The following PCDHGB2 variants were observed in gnomAD, a reference collection of about 807,000 sequenced individuals.
The protein encoded by PCDHGB2 is protocadherin gamma subfamily B, 2.
A neutral mutation model predicts 59.3 loss-of-function variants in PCDHGB2; 55 were observed. That is an observed-to-expected ratio of 0.93 (90% CI 0.75 to 1.16). The LOEUF (loss-of-function observed/expected upper bound fraction) is 1.16, where lower values mean the gene tolerates loss of function less well. Among genes scored for constraint, PCDHGB2 ranks in the 50% most tolerant of loss-of-function variants. The pLI is 0.00. For synonymous variants in PCDHGB2, 516 were observed against 512.0 expected (o/e 1.01, Z -0.11); for missense variants, 1,228 against 1,198.5 (o/e 1.02, Z -0.36).
chr5:141,389,070 T>C, intron 1 of PCDHGB2: 1 of 1,613,964 alleles, frequency 6.2e-7, no homozygotes, highest in South Asian at 1.1e-5. Flanking sequence ...ATTAACTTCT[T>C]CAAGAAACAC....
At chr5:141,497,092 G>C (rs2099773958) in intron 2 of PCDHGB2, among the ~76,000 whole-genome samples, 1 of 152,092 alleles carries the variant, frequency 6.6e-6, no homozygotes, top group Admixed American at 6.5e-5. Flanking sequence ...AGGAGGCTGA[G>C]GCAGAACTGC....
chr5:141,430,328 T>C (rs961978065), intron 1 of PCDHGB2, among the ~76,000 whole-genome samples: 1 of 152,036 alleles, frequency 6.6e-6, no homozygotes, highest in Non-Finnish European at 1.5e-5. Flanking sequence ...AAATCATTGT[T>C]TATAGAAACT....
At chr5:141,429,196 A>ACACACT in intron 1 of PCDHGB2, 1 of 151,994 alleles carries the variant, frequency 6.6e-6, no homozygotes, top group Non-Finnish European at 1.5e-5. Context: ...ACACACACAC[A>ACACACT]CACACACACG....
chr5:141,399,525 C>T (rs1170362164), intron 1 of PCDHGB2: 1 of 1,614,058 alleles, frequency 6.2e-7, no homozygotes, highest in East Asian at 2.2e-5. Flanking sequence ...CTGGGGCCTC[C>T]ATCGCGCAAG....
chr5:141,449,756 T>C (rs2098654563), intron 1 of PCDHGB2, among the ~76,000 whole-genome samples: 1 of 151,728 alleles, frequency 6.6e-6, no homozygotes, highest in South Asian at 2.1e-4. Flanking sequence ...TTTATGACAT[T>C]TGAGAGTAAG....
At chr5:141,422,950 G>A (rs1388735971) in intron 1 of PCDHGB2, 2 of 1,614,230 alleles carry the variant, frequency 1.2e-6, no homozygotes, top group South Asian at 1.1e-5. Flanking sequence ...CGGCTCCACT[G>A]GCGTGGAGCT....
At chr5:141,381,657 C>T (rs1224064730) in intron 1 of PCDHGB2, among the ~76,000 whole-genome samples, 5 of 152,134 alleles carry the variant, frequency 3.3e-5, no homozygotes, top group East Asian at 1.9e-4. Context: ...AAATGGGTTG[C>T]TTCTATAGCT....
Position 141,438,011 on chromosome 5 carries a change from G to T in PCDHGB2, c.2422-56796G>T, listed in dbSNP as rs189978786. On this transcript the variant is annotated intron_variant, in intron 1 of 3. Coordinates refer to ENST00000522605, the MANE Select transcript of PCDHGB2 (RefSeq NM_018923.3). ...CCACCTCAGCCTCCCAAATAGCTGAGATTACAGGTGTGAGCCACCATGCCC... is the reference window on the plus strand; with the variant it reads ...CCACCTCAGCCTCCCAAATAGCTGATATTACAGGTGTGAGCCACCATGCCC... 2.8e-3 allele frequency among the ~76,000 whole-genome samples: 432 copies of T among 152,220 alleles called. 1 individual carries two copies. The highest frequency in any genetic ancestry group is 0.021 in the Admixed American group (318 of 15,288).
At chr5:141,383,357 CG>C (rs1779064068) in intron 1 of PCDHGB2, 2 of 1,613,956 alleles carry the variant, frequency 1.2e-6, no homozygotes, top group Non-Finnish European at 1.7e-6. Flanking sequence ...GTTCGGTTTC[CG>C]TTAAGCGAGG....
chr5:141,414,434 C>T (rs774467993), intron 1 of PCDHGB2: 5 of 1,613,704 alleles, frequency 3.1e-6, no homozygotes, highest in Non-Finnish European at 3.4e-6. Context: ...GAACAGGTAT[C>T]CTCTTACAAT....
At chr5:141,463,176 C>T (rs989201395) in intron 1 of PCDHGB2, among the ~76,000 whole-genome samples, 2 of 152,100 alleles carry the variant, frequency 1.3e-5, no homozygotes, top group African/African-American at 4.8e-5. Context: ...TATGTATGCT[C>T]AGATTATTAT....
chr5:141,362,619 G>A, intron 1 of PCDHGB2, 63 bp downstream of exon 1: 1 of 1,526,806 alleles, frequency 6.5e-7, no homozygotes, highest in Non-Finnish European at 8.8e-7. Flanking sequence ...TGGGTAGGAA[G>A]TTCCACTGCG....
At chr5:141,399,217 T>G in intron 1 of PCDHGB2, 2 of 1,613,972 alleles carry the variant, frequency 1.2e-6, no homozygotes, top group Non-Finnish European at 1.7e-6. Flanking sequence ...ACTAATTGCT[T>G]TGATCAAAAT....
At chr5:141,394,717 G>A (rs1403492553) in intron 1 of PCDHGB2, 1 of 1,613,320 alleles carries the variant, frequency 6.2e-7, no homozygotes, top group East Asian at 2.2e-5. Flanking sequence ...CTGCTGGACA[G>A]AGATGCGCTC....
intron 1 of PCDHGB2, among the ~76,000 whole-genome samples, chr5:141,481,749 C>T (rs958851030): frequency 6.6e-6 from 1 of 151,976 alleles, no homozygotes; most frequent in Non-Finnish European, 1.5e-5. Context: ...GTCAGGAGTC[C>T]AAGACCAGCC....
At chr5:141,362,612 G>A in intron 1 of PCDHGB2, 56 bp downstream of exon 1, 3 of 1,553,624 alleles carry the variant, frequency 1.9e-6, no homozygotes, top group Non-Finnish European at 2.6e-6. Flanking sequence ...CCTAATTTGG[G>A]TAGGAAGTTC....
intron 1 of PCDHGB2, among the ~76,000 whole-genome samples, chr5:141,482,057 C>A (rs2099551189): frequency 6.7e-6 from 1 of 149,978 alleles, no homozygotes; most frequent in Non-Finnish European, 1.5e-5. Flanking sequence ...TGCATTCCAG[C>A]CTGGGCAACA....
intron 1 of PCDHGB2, chr5:141,410,592 T>C: frequency 1.2e-6 from 2 of 1,609,264 alleles, no homozygotes; most frequent in Non-Finnish European, 1.7e-6. Context: ...GGGGAGGATT[T>C]GACTTCACAT....
Position 141,360,892 on chromosome 5 carries a change from G to C in PCDHGB2, c.757G>C (p.Glu253Gln). ...SQDVYRVTLR[E>Q]DVPPGFFVLQ... ...GGACGTGTACAGGGTCACCCTGAGGGAGGACGTGCCGCCGGGCTTCTTTGT... is the reference window on the plus strand; with the variant it reads ...GGACGTGTACAGGGTCACCCTGAGGCAGGACGTGCCGCCGGGCTTCTTTGT... Residue 253 changes from glutamate to glutamine, a missense_variant, in exon 1 of 4, where the codon GAG becomes CAG. Physicochemically the swap from Glu to Gln is conservative, Grantham distance 29 (BLOSUM62 2). Transcript: ENST00000522605. 6.2e-7 allele frequency: 1 copy of C among 1,614,028 alleles called. No individual in the cohort carries two copies. Among genetic ancestry groups the C allele is most frequent in the Non-Finnish European group, 8.5e-7 (1 of 1,179,902 alleles).
Sources: allele counts gnomAD v4.1 joint callset (sites outside exome capture counted in the v4.1 genomes callset), GRCh38; gene constraint gnomAD v4.1.1; transcripts MANE v1.5; gene names NCBI Gene and HGNC (gene_info 2026-07-23, HGNC 2026-07-21).